NAV3: variants seen among roughly 807,000 people sequenced by gnomAD.
NAV3 encodes the protein neuron navigator 3.
NAV3 carries 87 observed loss-of-function variants against 244.7 expected under a neutral mutation model. That is an observed-to-expected ratio of 0.36 (90% CI 0.30 to 0.42). The LOEUF (loss-of-function observed/expected upper bound fraction) is 0.42. Ranked by LOEUF, NAV3 falls within the 20% of genes least tolerant of loss-of-function variation. The probability of loss-of-function intolerance (pLI) is 1.00; values close to 1 mark genes in which losing one functional copy is unlikely to be tolerated. For synonymous variants in NAV3, 1,126 were observed against 1,042.2 expected (o/e 1.08, Z -1.55); for missense variants, 2,663 against 2,893.3 (o/e 0.92, Z 1.83).
intron 20 of NAV3, among the ~76,000 whole-genome samples, chr12:78,142,171 C>G (rs951042996): frequency 3.3e-5 from 5 of 151,950 alleles, no homozygotes; most frequent in Non-Finnish European, 7.4e-5. Flanking sequence ...TTCCACTTTC[C>G]TAGATTTGAT....
intron 1 of NAV3, among the ~76,000 whole-genome samples, chr12:77,847,006 G>C (rs898370968): frequency 1.4e-4 from 22 of 152,238 alleles, no homozygotes; most frequent in African/African-American, 4.6e-4. Context: ...CGGGCCCTGA[G>C]TTGAATATAA....
At chr12:77,596,993 G>A (rs1375801508) in intron 2 of NAV3, among the ~76,000 whole-genome samples, 2 of 152,052 alleles carry the variant, frequency 1.3e-5, no homozygotes, top group South Asian at 2.1e-4. Context: ...TGCATCCATC[G>A]AGTCCATCCT....
intron 12 of NAV3, among the ~76,000 whole-genome samples, chr12:78,113,094 T>C (rs1177112471): frequency 2.0e-5 from 3 of 152,228 alleles, no homozygotes; most frequent in Non-Finnish European, 4.4e-5. Context: ...GTCTAGGTCA[T>C]GATTATGCAA....
intron 12 of NAV3, among the ~76,000 whole-genome samples, chr12:78,060,682 A>C (rs1018882010): frequency 6.6e-6 from 1 of 152,192 alleles, no homozygotes; most frequent in East Asian, 1.9e-4. Context: ...GAGTTCCAGA[A>C]AGAACTAAGG....
intron 2 of NAV3, among the ~76,000 whole-genome samples, chr12:77,587,460 G>T (rs545372861): frequency 5.9e-5 from 9 of 152,232 alleles, no homozygotes; most frequent in African/African-American, 2.2e-4. Context: ...CTTGCCAAAT[G>T]ATAAGATCCA....
chr12:77,890,866 C>T (rs535417821), intron 1 of NAV3, among the ~76,000 whole-genome samples: 2 of 152,302 alleles, frequency 1.3e-5, no homozygotes, highest in African/African-American at 4.8e-5. Context: ...ATTCAAGTTA[C>T]AGCAACATCT....
intron 39 of NAV3, among the ~76,000 whole-genome samples, chr12:78,206,652 A>G (rs1053866719): frequency 6.6e-6 from 1 of 152,000 alleles, no homozygotes; most frequent in Non-Finnish European, 1.5e-5. Context: ...AACAAATTCA[A>G]GGTTTTCCCT....
intron 2 of NAV3, among the ~76,000 whole-genome samples, chr12:77,745,476 A>G (rs1445000530): frequency 6.6e-6 from 1 of 152,112 alleles, no homozygotes; most frequent in African/African-American, 2.4e-5. Flanking sequence ...ATGTGGTTGA[A>G]TGTAAGGACA....
At chr12:78,193,833 G>T (rs2122066) in intron 34 of NAV3, among the ~76,000 whole-genome samples, 85,243 of 151,766 alleles carry the variant, frequency 0.56, 24,376 homozygotes, top group East Asian at 0.82. Context: ...GAACCTAAAG[G>T]CTCTGATTGT....
chr12:77,967,594 T>G (rs1174689968), intron 4 of NAV3, among the ~76,000 whole-genome samples: 1 of 152,162 alleles, frequency 6.6e-6, no homozygotes, highest in East Asian at 1.9e-4. Context: ...AGGATGCATT[T>G]TATTGCCAAC....
intron 12 of NAV3, among the ~76,000 whole-genome samples, chr12:78,084,107 G>A (rs1953501197): frequency 6.6e-6 from 1 of 152,122 alleles, no homozygotes; most frequent in Non-Finnish European, 1.5e-5. Flanking sequence ...TGGACTAGTG[G>A]TGTGCACAGA....
At position 77,982,239 on chromosome 12, in the gene NAV3, A is replaced by G. The variant is rs1869714636; in HGVS notation, c.672-12564A>G. 1.3e-4 allele frequency among the ~76,000 whole-genome samples: 8 copies of G among 61,226 alleles called. 2 individuals carry two copies. In the South Asian group the frequency reaches 5.2e-3, roughly 40 times the overall value. 40.2% of individuals were successfully genotyped at this position (61,226 alleles called of 152,430 possible). Reference sequence around the variant, plus strand: ...GCTTAATGAAAGATGATTTGTTGCTATTGATCCTTTATATGTTACATTAGA... The same window carrying G: ...GCTTAATGAAAGATGATTTGTTGCTGTTGATCCTTTATATGTTACATTAGA... On this transcript the variant is annotated intron_variant, in intron 5 of 39. Transcript: ENST00000397909.
At chr12:77,595,785 T>G (rs1369252575) in intron 2 of NAV3, among the ~76,000 whole-genome samples, 5 of 152,178 alleles carry the variant, frequency 3.3e-5, no homozygotes, top group Non-Finnish European at 7.4e-5. Context: ...CCACAGTTTA[T>G]AGTGTCATGC....
intron 24 of NAV3, among the ~76,000 whole-genome samples, chr12:78,171,626 C>T (rs1467250746): frequency 6.6e-6 from 1 of 151,402 alleles, no homozygotes; most frequent in African/African-American, 2.4e-5. Context: ...ATTTAATGAA[C>T]ACAAAGTGAT....
intron 1 of NAV3, among the ~76,000 whole-genome samples, chr12:77,934,122 A>G (rs1165501179): frequency 6.6e-6 from 1 of 152,070 alleles, no homozygotes; most frequent in Non-Finnish European, 1.5e-5. Flanking sequence ...TTCTGCAGTG[A>G]TGGGCTGGGG....
intron 24 of NAV3, among the ~76,000 whole-genome samples, chr12:78,174,305 T>A (rs1958128497): frequency 6.6e-6 from 1 of 151,832 alleles, no homozygotes; most frequent in Non-Finnish European, 1.5e-5. Context: ...ACCTTTAACA[T>A]GATTAAATAT....
At chr12:78,122,476 A>G (rs200462555) in intron 16 of NAV3, 48 bp downstream of exon 16, 376 of 1,517,522 alleles carry the variant, frequency 2.5e-4, no homozygotes, top group Non-Finnish European at 3.7e-5. Flanking sequence ...TCTTCCCTGC[A>G]CTATGCCTAA....
Position 78,094,903 on chromosome 12 carries a change from T to C in NAV3, c.2637-21869T>C, listed in dbSNP as rs1355652831. On this transcript the variant is annotated intron_variant, in intron 12 of 39. Transcript: ENST00000397909. ...CTCTACTAAAAATACAAAAATTAGC[T>C]AGGTGTGGTGGCACGTGCCTGTAGT... Among the ~76,000 whole-genome samples, 4 of 151,508 alleles carry C rather than the reference T, an allele frequency of 2.6e-5. No individual in the cohort carries two copies. The East Asian group carries it at 7.8e-4, about 30-fold the overall frequency.
rs564767574 is a variant in NAV3, at chr12:78,118,146, T to C, written c.2889T>C (p.Thr963=). The change falls in exon 14 of 40, where the codon ACT becomes ACC. Residue 963 remains threonine (T), a synonymous_variant. Coordinates refer to ENST00000397909, the MANE Select transcript of NAV3 (RefSeq NM_001024383.2). The part of the protein sequence containing the change: ...SHGDAGGKWK[T]VSSGLPEDPE... ...GGGATGCTGGTGGCAAGTGGAAGAC[T>C]GTGTCCTCTGGACTTCCTGAAGACC... 3.7e-6 allele frequency: 6 copies of C among 1,614,046 alleles called. No homozygotes were observed. The African/African-American group carries it at 5.3e-5, about 14-fold the overall frequency.
Sources: allele counts gnomAD v4.1 joint callset (sites outside exome capture counted in the v4.1 genomes callset), GRCh38; gene constraint gnomAD v4.1.1; transcripts MANE v1.5; gene names NCBI Gene and HGNC (gene_info 2026-07-23, HGNC 2026-07-21).